The following CARMIL1 variants were observed in gnomAD, a reference collection of about 807,000 sequenced individuals.
CARMIL1 encodes the protein F-actin-uncapping protein LRRC16A.
In CARMIL1, 90 loss-of-function variants were observed where a neutral mutation model predicts 177.1. That is an observed-to-expected ratio of 0.51 (90% CI 0.43 to 0.61). The LOEUF is 0.61. Among genes scored for constraint, CARMIL1 ranks in the 20% least tolerant of loss-of-function variants. The pLI, the probability that CARMIL1 is intolerant of heterozygous loss-of-function variation, is 0.00. For missense variants in CARMIL1, 1,380 were observed against 1,667.0 expected (o/e 0.83, Z 3.00); for synonymous variants, 577 against 606.2 (o/e 0.95, Z 0.71).
At chr6:25,441,337 A>ATATATATATGTGTGTGTG in intron 5 of CARMIL1, among the ~76,000 whole-genome samples, 74 of 94,534 alleles carry the variant, frequency 7.8e-4, no homozygotes, top group East Asian at 1.7e-3. Flanking sequence ...ATATATATAT[A>ATATATATATGTGTGTGTG]TGTGTGTGTG....
At chr6:25,610,247 AG>A in intron 36 of CARMIL1, 66 bp downstream of exon 36, 1 of 1,521,676 alleles carries the variant, frequency 6.6e-7, no homozygotes, top group Non-Finnish European at 8.8e-7. Context: ...TTCAAAATAA[AG>A]GAACTCATCC....
At chr6:25,381,626 A>G (rs1035173764) in intron 2 of CARMIL1, among the ~76,000 whole-genome samples, 1 of 152,224 alleles carries the variant, frequency 6.6e-6, no homozygotes, top group Non-Finnish European at 1.5e-5. Flanking sequence ...GGTTTGTTAT[A>G]GAAGTTACAA....
chr6:25,576,454 A>G (rs1812596096), intron 29 of CARMIL1, among the ~76,000 whole-genome samples: 1 of 152,188 alleles, frequency 6.6e-6, no homozygotes, highest in Non-Finnish European at 1.5e-5. Context: ...TGCTGCTCCT[A>G]AAATGCAGTG....
chr6:25,288,026 G>A (rs1262508160), intron 2 of CARMIL1, among the ~76,000 whole-genome samples: 1 of 152,184 alleles, frequency 6.6e-6, no homozygotes, highest in Non-Finnish European at 1.5e-5. Context: ...ATGTAGCCAG[G>A]CAGTGGTTTC....
chr6:25,396,113 A>T (rs1039838900), intron 2 of CARMIL1, among the ~76,000 whole-genome samples: 8 of 152,110 alleles, frequency 5.3e-5, no homozygotes, highest in Admixed American at 2.0e-4. Flanking sequence ...TTATTTTGAC[A>T]GCACTACCTG....
chr6:25,480,720 AT>A (rs1802029733), intron 11 of CARMIL1, among the ~76,000 whole-genome samples: 2 of 127,666 alleles, frequency 1.6e-5, no homozygotes, highest in African/African-American at 6.0e-5. Context: ...CTGTATTACT[AT>A]TTGTTTCCTT....
At chr6:25,423,377 G>A (rs1796019501) in intron 3 of CARMIL1, among the ~76,000 whole-genome samples, 1 of 152,164 alleles carries the variant, frequency 6.6e-6, no homozygotes, top group African/African-American at 2.4e-5. Context: ...TTTTCTTTCG[G>A]GGGTTGGGTA....
intron 5 of CARMIL1, among the ~76,000 whole-genome samples, chr6:25,438,984 G>A (rs187117485): frequency 2.0e-5 from 3 of 152,250 alleles, no homozygotes; most frequent in Non-Finnish European, 2.9e-5. Context: ...GCAGCATTAG[G>A]TATTAAGAGA....
At chr6:25,500,045 G>A in intron 16 of CARMIL1, 121 bp from the exon 17 acceptor site, 2 of 807,038 alleles carry the variant, frequency 2.5e-6, no homozygotes, top group East Asian at 2.6e-5. Flanking sequence ...GGTGCTTGGT[G>A]CTTGACCTGT....
intron 2 of CARMIL1, among the ~76,000 whole-genome samples, chr6:25,348,438 C>A (rs74564709): frequency 0.059 from 8,977 of 151,432 alleles, 593 homozygotes; most frequent in African/African-American, 0.16. Context: ...TGCTGTTAAA[C>A]GCGCTTCTAA....
At chr6:25,328,821 TA>T (rs556094961) in intron 2 of CARMIL1, among the ~76,000 whole-genome samples, 1 of 143,112 alleles carries the variant, frequency 7.0e-6, no homozygotes, top group Non-Finnish European at 1.5e-5. Context: ...ATTAAAAATT[TA>T]AAAAAAATGC....
intron 2 of CARMIL1, among the ~76,000 whole-genome samples, chr6:25,353,299 T>C (rs1355570361): frequency 1.3e-5 from 2 of 152,238 alleles, no homozygotes; most frequent in African/African-American, 4.8e-5. Context: ...AGAGATGTGT[T>C]ATTATCCCTA....
chr6:25,571,340 T>C (rs903255589), intron 29 of CARMIL1, among the ~76,000 whole-genome samples: 1 of 152,128 alleles, frequency 6.6e-6, no homozygotes, highest in Non-Finnish European at 1.5e-5. Context: ...CATGCATTCA[T>C]AGTAATACTC....
intron 8 of CARMIL1, among the ~76,000 whole-genome samples, chr6:25,461,831 G>A (rs1451461990): frequency 6.6e-6 from 1 of 151,988 alleles, no homozygotes; most frequent in Non-Finnish European, 1.5e-5. Flanking sequence ...GTCCTTATTA[G>A]CAATTGGTAT....
chr6:25,435,522 A>G lies in CARMIL1; in HGVS notation c.289A>G (p.Met97Val). ...ETEKCSISMK[M>V]ASPEDVSEVL... ...TGAGAAGTGCAGCATTTCCATGAAGATGGCGTCACCCGAGGACGTGAGTGA... is the reference window on the plus strand; with the variant it reads ...TGAGAAGTGCAGCATTTCCATGAAGGTGGCGTCACCCGAGGACGTGAGTGA... Residue 97 changes from methionine to valine, a missense_variant, in exon 5 of 37, where the codon ATG becomes GTG. Transcript: ENST00000329474. The G allele has an allele frequency of 1.9e-6, 3 of 1,552,968 alleles. No individual in the cohort carries two copies. Among genetic ancestry groups the G allele is most frequent in the Non-Finnish European group, 2.6e-6 (3 of 1,147,508 alleles).
chr6:25,345,791 AT>A (rs202010513), intron 2 of CARMIL1, among the ~76,000 whole-genome samples: 10,542 of 151,948 alleles, frequency 0.069, 863 homozygotes, highest in African/African-American at 0.19. Context: ...TAATTTTTGT[AT>A]TTTTAGTAGA....
Position 25,509,706 on chromosome 6 carries a change from C to T in CARMIL1, c.1446C>T (p.His482=), listed in dbSNP as rs1372294632. ...QVLEGCIAEI[H]NITSLDISDN... ...TAGAAGGTTGCATTGCTGAAATACA[C>T]AACATCACCAGCTTAGACATCTCTG... Residue 482 remains histidine (H), a synonymous_variant, in exon 18 of 37, where the codon CAC becomes CAT. Transcript: ENST00000329474. This position sits in a 1 kb window ranked among gnomAD's most constrained non-coding sequence, Gnocchi z 4.1. The T allele has an allele frequency of 6.2e-7, 1 of 1,601,556 alleles. No homozygotes were observed. Among genetic ancestry groups the T allele is most frequent in the East Asian group, 2.2e-5 (1 of 44,638 alleles).
intron 15 of CARMIL1, among the ~76,000 whole-genome samples, chr6:25,494,241 G>A (rs1203458107): frequency 6.6e-6 from 1 of 151,956 alleles, no homozygotes; most frequent in Admixed American, 6.6e-5. Context: ...CCTCTTCCCT[G>A]AGATTCCATG....
At chr6:25,508,826 C>G (rs1347929887) in intron 17 of CARMIL1, among the ~76,000 whole-genome samples, 3 of 152,172 alleles carry the variant, frequency 2.0e-5, no homozygotes, top group African/African-American at 7.2e-5. Flanking sequence ...GGAAACTTTG[C>G]ATCCTTCACA....
Sources: allele counts gnomAD v4.1 joint callset (sites outside exome capture counted in the v4.1 genomes callset), GRCh38; gene constraint gnomAD v4.1.1; non-coding constraint Gnocchi (gnomAD v3.1); transcripts MANE v1.5; gene names NCBI Gene and HGNC (gene_info 2026-07-23, HGNC 2026-07-21).